Variants in TRDN observed in about 807,000 individuals in gnomAD.
TRDN encodes triadin in skeletal muscle.
TRDN carries 161 observed loss-of-function variants against 149.7 expected under a neutral mutation model. The observed-to-expected ratio is 1.08, with a 90% CI of 0.95 to 1.23. The LOEUF is 1.23. Ranked by LOEUF, TRDN falls within the 50% of genes most tolerant of loss-of-function variation. TRDN has a pLI of 0.00. For synonymous variants in TRDN, 294 were observed against 250.5 expected, an observed-to-expected ratio of 1.17 and a Z score of -1.64; for missense variants, 896 against 823.5, an observed-to-expected ratio of 1.09 and a Z score of -1.08.
At chr6:123,438,896 C>T in intron 11 of TRDN, 48 bp downstream of exon 11, 1 of 1,408,644 alleles carries the variant, frequency 7.1e-7, no homozygotes, top group Non-Finnish European at 9.7e-7. Context: ...TAGTATTATG[C>T]ATGGACACTA....
chr6:123,305,888 T>A (rs1171563983), intron 24 of TRDN, among the ~76,000 whole-genome samples: 1 of 152,160 alleles, frequency 6.6e-6, no homozygotes, highest in African/African-American at 2.4e-5. Flanking sequence ...GTAAAGCTGG[T>A]ATTCTCTGCT....
chr6:123,444,600 GT>G (rs1483146821), intron 10 of TRDN, among the ~76,000 whole-genome samples: 54 of 150,002 alleles, frequency 3.6e-4, no homozygotes, highest in Non-Finnish European at 3.1e-4. Context: ...TCTTGTGCCA[GT>G]TTTCAAAGGG....
At chr6:123,528,944 T>C (rs1180944375) in intron 5 of TRDN, 3 of 1,185,800 alleles carry the variant, frequency 2.5e-6, no homozygotes, top group Non-Finnish European at 3.2e-6. Context: ...GTTGATAATC[T>C]CCAGCTCAGT....
intron 24 of TRDN, among the ~76,000 whole-genome samples, chr6:123,295,706 G>A (rs946412404): frequency 1.3e-5 from 2 of 152,044 alleles, no homozygotes; most frequent in African/African-American, 4.8e-5. Context: ...GCTCATGCCT[G>A]TAATCCCAGC....
intron 39 of TRDN, 119 bp from the exon 40 acceptor site, chr6:123,221,641 T>C (rs1775151945): frequency 3.8e-6 from 2 of 527,390 alleles, no homozygotes. Flanking sequence ...GAGTTACCCT[T>C]TTTATAGTAT....
At chr6:123,316,217 T>C (rs1380954477) in intron 24 of TRDN, among the ~76,000 whole-genome samples, 1 of 151,928 alleles carries the variant, frequency 6.6e-6, no homozygotes, top group Non-Finnish European at 1.5e-5. Context: ...ATGGTTCTAG[T>C]GCTTTGATAA....
chr6:123,541,129 A>T (rs971064507), intron 4 of TRDN, among the ~76,000 whole-genome samples: 3 of 152,144 alleles, frequency 2.0e-5, no homozygotes, highest in African/African-American at 4.8e-5. Flanking sequence ...TCTATTACTC[A>T]TCTTAGGTAC....
intron 6 of TRDN, among the ~76,000 whole-genome samples, chr6:123,514,119 C>T (rs1309781129): frequency 2.0e-5 from 3 of 152,092 alleles, no homozygotes; most frequent in African/African-American, 7.2e-5. Flanking sequence ...AATCCCAGCA[C>T]TTTGGGAGGC....
At chr6:123,333,990 G>A (rs1313979776) in intron 22 of TRDN, among the ~76,000 whole-genome samples, 1 of 151,950 alleles carries the variant, frequency 6.6e-6, no homozygotes, top group Non-Finnish European at 1.5e-5. Flanking sequence ...TTCCCTAAGG[G>A]ATAGGAAAAT....
At chr6:123,298,634 ATAATTGTCTT>A (rs1329426535) in intron 24 of TRDN, among the ~76,000 whole-genome samples, 2 of 152,112 alleles carry the variant, frequency 1.3e-5, no homozygotes, top group African/African-American at 4.8e-5. Flanking sequence ...ATGATAAACC[ATAATTGTCTT>A]TAATAAACAA....
chr6:123,394,576 G>C (rs1402965731), intron 12 of TRDN, among the ~76,000 whole-genome samples: 1 of 152,102 alleles, frequency 6.6e-6, no homozygotes, highest in Non-Finnish European at 1.5e-5. Flanking sequence ...ATATGTAGTA[G>C]TTGATTCACA....
chr6:123,599,544 A>G (rs1784185699), intron 1 of TRDN, among the ~76,000 whole-genome samples: 1 of 152,106 alleles, frequency 6.6e-6, no homozygotes, highest in African/African-American at 2.4e-5. Context: ...ATTGCAAAAA[A>G]GCACATTATT....
In TRDN at chr6:123,216,563, TAGTC is replaced by T. The variant is rs545639714; in HGVS notation, c.*2034_*2037del. On this transcript the variant is annotated 3_prime_UTR_variant, in exon 41 of 41. Transcript: ENST00000334268. ...ATTGAGAGTGAAAGAAACAGTAAAA[TAGTC>T]AGAGGAAAAACTAGTGCCATACCCA... 31 of 151,936 alleles carry T rather than the reference TAGTC, an allele frequency of 2.0e-4. No individual in the cohort carries two copies. The East Asian group carries it at 5.4e-3, about 27-fold the overall frequency. 9.4% of individuals were successfully genotyped at this position (151,936 alleles called of 1,614,324 possible).
intron 1 of TRDN, among the ~76,000 whole-genome samples, chr6:123,615,621 A>T (rs1785045162): frequency 6.6e-6 from 1 of 152,132 alleles, no homozygotes; most frequent in Non-Finnish European, 1.5e-5. Context: ...AACGTGGATG[A>T]GCTATGTCAA....
intron 4 of TRDN, among the ~76,000 whole-genome samples, chr6:123,539,681 C>T (rs574447621): frequency 3.8e-4 from 58 of 152,262 alleles, no homozygotes; most frequent in African/African-American, 1.2e-3. Flanking sequence ...TAGGTCAATG[C>T]GACAGTGATA....
chr6:123,473,999 C>T (rs1178742264), intron 9 of TRDN, among the ~76,000 whole-genome samples: 1 of 152,020 alleles, frequency 6.6e-6, no homozygotes, highest in East Asian at 1.9e-4. Context: ...CATGCCAAAA[C>T]GTAAAGACCA....
chr6:123,308,240 T>A (rs1232761450), intron 24 of TRDN, among the ~76,000 whole-genome samples: 1 of 152,076 alleles, frequency 6.6e-6, no homozygotes, highest in Non-Finnish European at 1.5e-5. Flanking sequence ...TTGTACCATA[T>A]TTTCTTTATC....
chr6:123,443,277 G>GA (rs60757232), intron 10 of TRDN, among the ~76,000 whole-genome samples: 151 of 141,206 alleles, frequency 1.1e-3, no homozygotes, highest in African/African-American at 2.6e-3. Flanking sequence ...TAAAGATTAG[G>GA]AAAAAAAAAA....
At chr6:123,453,117 A>C (rs1775889599) in intron 10 of TRDN, among the ~76,000 whole-genome samples, 1 of 152,232 alleles carries the variant, frequency 6.6e-6, no homozygotes, top group South Asian at 2.1e-4. Flanking sequence ...TGGATAAAGG[A>C]TTTAAACCTA....
Sources: gnomAD v4.1 joint callset for allele counts (sites outside exome capture counted in the v4.1 genomes callset) on GRCh38, gnomAD v4.1.1 for gene constraint, MANE v1.5 for transcripts, NCBI Gene and HGNC (gene_info 2026-07-23, HGNC 2026-07-21) for gene names.